Variants in ZFHX3 observed in about 807,000 individuals in gnomAD.
The protein encoded by ZFHX3 is zinc finger homeobox protein 3.
A neutral mutation model predicts 279.1 loss-of-function variants in ZFHX3; 42 were observed. That is an observed-to-expected ratio of 0.15 (90% CI 0.12 to 0.19). ZFHX3 has a LOEUF of 0.19. Ranked by LOEUF, ZFHX3 falls within the 10% of genes least tolerant of loss-of-function variation. The pLI is 1.00. For synonymous variants in ZFHX3, 2,293 were observed against 1,957.8 expected (o/e 1.17, Z -4.52); for missense variants, 4,981 against 4,754.0 (o/e 1.05, Z -1.40).
chr16:72,852,537 A>T (rs2037642851), intron 4 of ZFHX3, among the ~76,000 whole-genome samples: 1 of 152,240 alleles, frequency 6.6e-6, no homozygotes, highest in Non-Finnish European at 1.5e-5. Flanking sequence ...CAAAAAAGAT[A>T]ATGTCCCAAA....
intron 4 of ZFHX3, among the ~76,000 whole-genome samples, chr16:72,863,629 G>T (rs2037941641): frequency 6.6e-6 from 1 of 152,132 alleles, no homozygotes; most frequent in African/African-American, 2.4e-5. Flanking sequence ...GGAGTGAGGG[G>T]TAGTGTATAG....
chr16:72,863,987 G>A (rs1458078693), intron 4 of ZFHX3, among the ~76,000 whole-genome samples: 6 of 151,766 alleles, frequency 4.0e-5, no homozygotes, highest in African/African-American at 1.5e-4. Context: ...CGTGGTGGTG[G>A]GTGCCTGTAG....
chr16:72,871,755 G>C (rs1487803302), intron 4 of ZFHX3, among the ~76,000 whole-genome samples: 1 of 151,700 alleles, frequency 6.6e-6, no homozygotes, highest in Non-Finnish European at 1.5e-5. Context: ...AGGATTACAG[G>C]TGTGAACCAC....
chr16:73,077,338 T>G (rs529608581), intron 8 of ZFHX3, among the ~76,000 whole-genome samples: 1 of 152,302 alleles, frequency 6.6e-6, no homozygotes, highest in East Asian at 1.9e-4. Flanking sequence ...CACTACAGAT[T>G]ATTCTAGAAA....
At chr16:73,172,995 TG>T (rs1555502640) in intron 5 of ZFHX3, among the ~76,000 whole-genome samples, 17,101 of 73,462 alleles carry the variant, frequency 0.23, 2,634 homozygotes, top group East Asian at 0.33. Context: ...ACTGTTTTTT[TG>T]TTTTTTTTTT....
chr16:73,402,154 G>C (rs910120307), intron 3 of ZFHX3: 2 of 152,150 alleles, frequency 1.3e-5, no homozygotes, highest in Non-Finnish European at 2.9e-5. Context: ...TTGTTTCTTT[G>C]TGATTGTTAT....
intron 5 of ZFHX3, among the ~76,000 whole-genome samples, chr16:73,179,285 A>T (rs1967737241): frequency 1.3e-5 from 2 of 152,118 alleles, no homozygotes; most frequent in African/African-American, 4.8e-5. Context: ...CTGACATCAA[A>T]CCATTCCTTT....
At chr16:73,045,661 T>C (rs995614474) in intron 1 of ZFHX3, among the ~76,000 whole-genome samples, 1 of 146,920 alleles carries the variant, frequency 6.8e-6, no homozygotes, top group Non-Finnish European at 1.5e-5. Flanking sequence ...TTATTATTAT[T>C]ATTATTATTA....
At chr16:73,195,389 A>G (rs1406076727) in intron 5 of ZFHX3, among the ~76,000 whole-genome samples, 3 of 151,374 alleles carry the variant, frequency 2.0e-5, no homozygotes, top group African/African-American at 7.3e-5. Context: ...CAGAAATACT[A>G]CAAAATATGG....
chr16:72,802,564 G>C (rs532240752), intron 7 of ZFHX3, among the ~76,000 whole-genome samples: 26 of 152,254 alleles, frequency 1.7e-4, no homozygotes, highest in African/African-American at 4.3e-4. Flanking sequence ...TGAAAAAAAG[G>C]GGGGGTTGGT....
chr16:73,594,638 G>C (rs1447561495), intron 2 of ZFHX3, among the ~76,000 whole-genome samples: 2 of 152,172 alleles, frequency 1.3e-5, no homozygotes, highest in Admixed American at 6.6e-5. Context: ...TAGAGCTCTA[G>C]ATAGGTAACA....
At chr16:73,336,908 T>C (rs2015924529) in intron 3 of ZFHX3, among the ~76,000 whole-genome samples, 1 of 152,092 alleles carries the variant, frequency 6.6e-6, no homozygotes, top group African/African-American at 2.4e-5. Context: ...CCCAAACCTC[T>C]ACCATTTACC....
chr16:73,692,931 T>A (rs1015904871), intron 1 of ZFHX3, among the ~76,000 whole-genome samples: 1 of 152,228 alleles, frequency 6.6e-6, no homozygotes, highest in African/African-American at 2.4e-5. Flanking sequence ...ACCATTTTAT[T>A]TTGGCTGGCA....
chr16:73,590,684 G>A (rs182964629), intron 2 of ZFHX3, among the ~76,000 whole-genome samples: 3 of 152,268 alleles, frequency 2.0e-5, no homozygotes, highest in Non-Finnish European at 4.4e-5. Context: ...TACCTGTAAC[G>A]AGATATTTGC....
chr16:73,017,907 C>T (rs1424964501), intron 1 of ZFHX3, among the ~76,000 whole-genome samples: 1 of 152,210 alleles, frequency 6.6e-6, no homozygotes, highest in African/African-American at 2.4e-5. Flanking sequence ...TTACTCTCTC[C>T]TCTTCAGAAA....
intron 2 of ZFHX3, among the ~76,000 whole-genome samples, chr16:73,509,470 C>T (rs1008390841): frequency 6.6e-6 from 1 of 151,750 alleles, no homozygotes; most frequent in Admixed American, 6.6e-5. Flanking sequence ...TCCCACTTCC[C>T]TTCTTACCAC....
At chr16:73,456,489 T>C (rs2018373868) in intron 2 of ZFHX3, among the ~76,000 whole-genome samples, 1 of 152,106 alleles carries the variant, frequency 6.6e-6, no homozygotes, top group Non-Finnish European at 1.5e-5. Context: ...CCACAGCAAT[T>C]GGGCGTCCTT....
intron 2 of ZFHX3, among the ~76,000 whole-genome samples, chr16:73,665,166 G>A (rs1271194373): frequency 1.3e-5 from 2 of 151,276 alleles, no homozygotes; most frequent in African/African-American, 4.9e-5. Context: ...GTCATAACAG[G>A]TGCTTGGGGA....
chr16:72,840,022 G>C (rs974394253), intron 4 of ZFHX3, among the ~76,000 whole-genome samples: 8 of 151,978 alleles, frequency 5.3e-5, no homozygotes, highest in Non-Finnish European at 1.0e-4. Context: ...GAGTGATAGA[G>C]AGTAAATTAA....
Sources: gnomAD v4.1 joint callset for allele counts (sites outside exome capture counted in the v4.1 genomes callset) on GRCh38, gnomAD v4.1.1 for gene constraint, MANE v1.5 for transcripts, NCBI Gene and HGNC (gene_info 2026-07-23, HGNC 2026-07-21) for gene names.